ZNF276: variants seen among roughly 807,000 people sequenced by gnomAD.
ZNF276 encodes the protein centromere protein Z.
ZNF276 carries 59 observed loss-of-function variants against 63.9 expected under a neutral mutation model. The ratio of observed to expected loss-of-function variants is 0.92; its 90% CI spans 0.75 to 1.15. The LOEUF (loss-of-function observed/expected upper bound fraction) is 1.15, where lower values mean the gene tolerates loss of function less well. Ranked by LOEUF, ZNF276 falls within the 50% of genes most tolerant of loss-of-function variation. ZNF276 has a pLI of 0.00. For synonymous variants in ZNF276, 496 were observed against 348.4 expected (o/e 1.42, Z -4.72); for missense variants, 1,084 against 843.8 (o/e 1.28, Z -3.53).
upstream of ZNF276, chr16:89,720,667 C>A: frequency 1.6e-6 from 2 of 1,253,092 alleles, no homozygotes. Context: ...GCTCCCAAGT[C>A]TCCAGCCCGA....
intron 9 of ZNF276, among the ~76,000 whole-genome samples, chr16:89,736,861 G>C (rs1256039450): frequency 1.3e-5 from 2 of 150,806 alleles, no homozygotes; most frequent in Non-Finnish European, 2.9e-5. Flanking sequence ...GCTGAGATTG[G>C]GCTGTTGCAC....
In ZNF276 at chr16:89,739,751, G is replaced by T. The variant is rs56272457; in HGVS notation, c.*1505G>T. 5.4e-5 allele frequency: 81 copies of T among 1,486,964 alleles called. No individual in the cohort carries two copies. The East Asian group carries it at 5.7e-4, about 10-fold the overall frequency. 92.1% of individuals were successfully genotyped at this position (1,486,964 alleles called of 1,614,324 possible). On this transcript the variant is annotated 3_prime_UTR_variant, in exon 11 of 11. Transcript: ENST00000443381. Reference sequence around the variant, plus strand: ...ATGGGGGGGTCGACCTCTTGCAGGAGGGTGGGTGTGGTGCAGAGAGAGGCA... The same window carrying T: ...ATGGGGGGGTCGACCTCTTGCAGGATGGTGGGTGTGGTGCAGAGAGAGGCA...
rs1337078823 is a variant in ZNF276, at chr16:89,728,440, GTT to G, written c.1086-794_1086-793del. Among the ~76,000 whole-genome samples the G allele has an allele frequency of 2.6e-5, 4 of 152,026 alleles. No individual in the cohort carries two copies. In the East Asian group the frequency reaches 7.7e-4, roughly 29 times the overall value. Reference sequence around the variant, plus strand: ...TTTATTTGAGACGGAGTCTCGCTGTGTTGCCCAGGCTGGAGTGCAGTGGCACA... The same window carrying G: ...TTTATTTGAGACGGAGTCTCGCTGTGGCCCAGGCTGGAGTGCAGTGGCACA... On this transcript the variant is annotated intron_variant, in intron 5 of 10. Coordinates refer to ENST00000443381, the MANE Select transcript of ZNF276 (RefSeq NM_001113525.2).
chr16:89,725,805 A>T (rs1475659731), intron 4 of ZNF276, among the ~76,000 whole-genome samples: 1 of 152,110 alleles, frequency 6.6e-6, no homozygotes. Context: ...AGAAAAAAAC[A>T]AAACAAAGAA....
At chr16:89,735,806 C>A (rs1016828421) in intron 9 of ZNF276, among the ~76,000 whole-genome samples, 1 of 152,146 alleles carries the variant, frequency 6.6e-6, no homozygotes, top group Non-Finnish European at 1.5e-5. Flanking sequence ...CCTCCACCTC[C>A]CTAGTTCAAG....
intron 2 of ZNF276, 69 bp from the exon 3 acceptor site, chr16:89,723,068 G>GTCCC: frequency 1.2e-6 from 2 of 1,611,936 alleles, no homozygotes; most frequent in Non-Finnish European, 1.7e-6. Flanking sequence ...TCTCGAGAGG[G>GTCCC]TCCCGTACGA....
chr16:89,729,867 C>G (rs571730097), intron 6 of ZNF276, among the ~76,000 whole-genome samples: 1 of 152,200 alleles, frequency 6.6e-6, no homozygotes, highest in African/African-American at 2.4e-5. Context: ...TATTTTCTCT[C>G]TTCAGTTAGA....
chr16:89,733,346 A>G lies in ZNF276; in HGVS notation c.1214A>G (p.Glu405Gly). Residue 405 changes from glutamate (E) to glycine (G), a missense_variant, in exon 7 of 11, where the codon GAA (glutamate) becomes GGA (glycine). Physicochemically the swap from Glu to Gly is moderately conservative, Grantham distance 98. Transcript: ENST00000443381. The part of the protein sequence containing the change: ...KSESKEAKKS[E>G]EPRIRKKPGP... Reference sequence around the variant, plus strand: ...GAAAGCAAAGAAGCCAAGAAGTCTGAAGAACCAAGAATTCGGAAGAAGCCG... The same window carrying G: ...GAAAGCAAAGAAGCCAAGAAGTCTGGAGAACCAAGAATTCGGAAGAAGCCG... 6.2e-7 allele frequency: 1 copy of G among 1,614,170 alleles called. No individual in the cohort carries two copies. Among genetic ancestry groups the G allele is most frequent in the Non-Finnish European group, 8.5e-7 (1 of 1,180,038 alleles).
rs984956130 is a variant in ZNF276, at chr16:89,721,645, A to G, written c.5A>G (p.Lys2Arg). 26 of 1,470,314 alleles carry G rather than the reference A, an allele frequency of 1.8e-5. No homozygotes were observed. In the African/African-American group the frequency reaches 3.8e-4, roughly 22 times the overall value. 91.1% of individuals were successfully genotyped at this position (1,470,314 alleles called of 1,614,324 possible). A position where few individuals can be genotyped will look rare whatever the true frequency, so the allele number is the denominator to read the frequency against. ...CTGCTGGCGTCCTCCGCTGCCATGA[A>G]GCGGGACCGGCTGGGCCGCTTCCTG... is the stretch of plus-strand genomic sequence containing the variant. MKRDRLGRFLSP... is the reference protein window; with the variant it reads MRRDRLGRFLSP... The change falls in exon 1 of 11, where the codon AAG becomes AGG. Residue 2 changes from lysine to arginine, a missense_variant. Physicochemically the swap from Lys to Arg is conservative, Grantham distance 26 (BLOSUM62 2). Coordinates refer to ENST00000443381, the MANE Select transcript of ZNF276 (RefSeq NM_001113525.2).
At chr16:89,720,449 G>C (rs1438338190), upstream of ZNF276, 1 of 1,067,026 alleles carries the variant, frequency 9.4e-7, no homozygotes, top group Non-Finnish European at 1.1e-6. Context: ...GGACCTGCCC[G>C]TCACTCGGAT....
At chr16:89,728,131 T>G (rs1005704081) in intron 5 of ZNF276, among the ~76,000 whole-genome samples, 1 of 150,794 alleles carries the variant, frequency 6.6e-6, no homozygotes, top group Non-Finnish European at 1.5e-5. Flanking sequence ...GCACCTGGGG[T>G]GGCTAAGACT....
chr16:89,727,206 A>T, intron 4 of ZNF276, 73 bp from the exon 5 acceptor site: 1 of 1,465,976 alleles, frequency 6.8e-7, no homozygotes, highest in Non-Finnish European at 9.6e-7. Context: ...CAATAGTAGA[A>T]TCATGCCTCC....
At chr16:89,722,388 G>C in intron 1 of ZNF276, 143 bp from the exon 2 acceptor site, 2 of 920,294 alleles carry the variant, frequency 2.2e-6, no homozygotes, top group East Asian at 5.2e-5. Context: ...GTCCCGCCGA[G>C]AGCCGCGCGC....
intron 8 of ZNF276, 55 bp from the exon 9 acceptor site, chr16:89,733,866 G>C: frequency 1.9e-6 from 3 of 1,561,874 alleles, no homozygotes; most frequent in East Asian, 2.2e-5. Flanking sequence ...CTGAGGGCTC[G>C]TGCCATGTGG....
chr16:89,733,135 C>G (rs2061730480), intron 6 of ZNF276, 167 bp from the exon 7 acceptor site: 2 of 669,528 alleles, frequency 3.0e-6, no homozygotes, highest in East Asian at 2.7e-5. Flanking sequence ...GGCCTCCTGT[C>G]CAGAGTTGCT....
intron 5 of ZNF276, among the ~76,000 whole-genome samples, chr16:89,728,638 G>A (rs945534955): frequency 1.3e-4 from 20 of 152,106 alleles, no homozygotes; most frequent in Admixed American, 3.9e-4. Context: ...TCCTGACCTC[G>A]TGATCCGCCC....
At position 89,738,329 on chromosome 16, in the gene ZNF276, G is replaced by GGGAGGGTC. The variant is rs1165147392; in HGVS notation, c.*91_*98dup. ...CCTCACCCTTCGTGTGCACCCGCAT[G>GGGAGGGTC]GGAGGGTCGGAGGGTGCTGCCCGCC... On this transcript the variant is annotated 3_prime_UTR_variant, in exon 11 of 11. Transcript: ENST00000443381. The GGGAGGGTC allele has an allele frequency of 1.4e-5, 21 of 1,506,254 alleles. No homozygotes were observed. The highest frequency in any genetic ancestry group is 2.3e-4 in the Middle Eastern group (1 of 4,380). The allele number at this position is 1,506,254 out of a possible 1,614,324, so 93.3% of individuals were successfully genotyped here.
In ZNF276 at chr16:89,740,121, C is replaced by A; in HGVS notation, c.*1875C>A. The A allele has an allele frequency of 6.2e-7, 1 of 1,606,108 alleles. No individual in the cohort carries two copies. ...TGCTCTGTAAACCGCAGGAGACCAA[C>A]CCTGAGAATGGCCGACCTGGTGCTC... On this transcript the variant is annotated 3_prime_UTR_variant, in exon 11 of 11. Transcript: ENST00000443381.
upstream of ZNF276, chr16:89,721,014 G>A (rs915522909): frequency 1.4e-6 from 1 of 721,246 alleles, no homozygotes; most frequent in Non-Finnish European, 1.9e-6. Context: ...CCCTCCGCGC[G>A]TACTGCGGGC....
Sources: gnomAD v4.1 joint callset for allele counts (sites outside exome capture counted in the v4.1 genomes callset) on GRCh38, gnomAD v4.1.1 for gene constraint, MANE v1.5 for transcripts, NCBI Gene and HGNC (gene_info 2026-07-23, HGNC 2026-07-21) for gene names.